Variants in IHO1 observed in about 807,000 individuals in gnomAD.
IHO1 encodes the protein interactor of HORMAD1 1, also known as interactor of HORMAD1 protein 1.
In IHO1, 13 loss-of-function variants were observed where a neutral mutation model predicts 31.0. The ratio of observed to expected loss-of-function variants is 0.42; its 90% CI spans 0.27 to 0.67. The LOEUF (loss-of-function observed/expected upper bound fraction) is 0.67. Ranked by LOEUF, IHO1 falls within the 30% of genes least tolerant of loss-of-function variation. IHO1 has a pLI of 0.24. For missense variants in IHO1, 599 were observed against 687.5 expected, an observed-to-expected ratio of 0.87 and a Z score of 1.44; for synonymous variants, 221 against 248.4, an observed-to-expected ratio of 0.89 and a Z score of 1.04.
At chr3:49,241,826 G>T (rs947170499) in intron 4 of IHO1, among the ~76,000 whole-genome samples, 5 of 151,954 alleles carry the variant, frequency 3.3e-5, no homozygotes, top group African/African-American at 1.2e-4. Flanking sequence ...TTACCATGTT[G>T]GCCAGGCTGG....
intron 2 of IHO1, among the ~76,000 whole-genome samples, chr3:49,223,690 C>CAA (rs879893768): frequency 2.3e-5 from 3 of 130,176 alleles, no homozygotes; most frequent in African/African-American, 2.8e-5. Context: ...GACTCCGTCT[C>CAA]AAAAAAAAAA....
intron 2 of IHO1, among the ~76,000 whole-genome samples, chr3:49,227,138 A>G (rs763406815): frequency 3.9e-5 from 6 of 152,240 alleles, no homozygotes; most frequent in Admixed American, 6.5e-5. Flanking sequence ...AAGCTTGGAC[A>G]TAAGATATTT....
intron 1 of IHO1, among the ~76,000 whole-genome samples, chr3:49,209,608 C>T (rs150380981): frequency 6.6e-6 from 1 of 151,412 alleles, no homozygotes; most frequent in Non-Finnish European, 1.5e-5. Context: ...TGCATTCCAG[C>T]CTGCGTGACA....
At chr3:49,191,668 T>C in the IHO1 span, 27 of 1,505,868 alleles carry the variant, frequency 1.8e-5, no homozygotes, top group Non-Finnish European at 2.4e-5. Flanking sequence ...CCTTTTCACT[T>C]CACCGGCATG....
chr3:49,250,530 A>C (rs1329930116), intron 6 of IHO1, among the ~76,000 whole-genome samples: 7 of 152,282 alleles, frequency 4.6e-5, no homozygotes, highest in Admixed American at 3.9e-4. Context: ...TGTTGCTAAG[A>C]AACATTACTA....
chr3:49,239,478 C>T (rs188986812), intron 3 of IHO1, among the ~76,000 whole-genome samples: 2 of 151,712 alleles, frequency 1.3e-5, no homozygotes, highest in African/African-American at 4.8e-5. Context: ...GACAGGATTT[C>T]ACCATGTCAG....
intron 2 of IHO1, among the ~76,000 whole-genome samples, chr3:49,220,846 C>T (rs777141298): frequency 3.9e-5 from 6 of 152,140 alleles, no homozygotes; most frequent in South Asian, 4.1e-4. Context: ...CCAGCCTGGG[C>T]GACAGTTCAA....
At chr3:49,247,989 A>G (rs2046714889) in intron 6 of IHO1, among the ~76,000 whole-genome samples, 1 of 151,700 alleles carries the variant, frequency 6.6e-6, no homozygotes, top group Non-Finnish European at 1.5e-5. Flanking sequence ...GCCATGCGTG[A>G]TGGCTGGAGC....
chr3:49,249,079 A>T lies in IHO1; in HGVS notation c.532+4346A>T, dbSNP rs1469413564. Among the ~76,000 whole-genome samples, 3 of 152,156 alleles carry T rather than the reference A, an allele frequency of 2.0e-5. No individual in the cohort carries two copies. In the South Asian group the frequency reaches 6.2e-4, roughly 32 times the overall value. On this transcript the variant is annotated intron_variant, in intron 6 of 7. Transcript: ENST00000452691. ...TGGTGCCTTCACAGATGAGGTCATT[A>T]AATATTTTCCCAGTCAGCCTGCCCA...
At chr3:49,216,413 C>T (rs183780216) in intron 2 of IHO1, among the ~76,000 whole-genome samples, 6 of 152,100 alleles carry the variant, frequency 3.9e-5, no homozygotes, top group South Asian at 2.1e-4. Context: ...GCCAACATGG[C>T]GAAACCTTGT....
chr3:49,197,737 G>A (rs1246594908), upstream of IHO1, among the ~76,000 whole-genome samples: 1 of 152,024 alleles, frequency 6.6e-6, no homozygotes, highest in Non-Finnish European at 1.5e-5. Context: ...AACTGGGTGT[G>A]GTGGCAGGCA....
chr3:49,219,771 A>G (rs2046330637), intron 2 of IHO1, among the ~76,000 whole-genome samples: 1 of 152,156 alleles, frequency 6.6e-6, no homozygotes, highest in Admixed American at 6.6e-5. Flanking sequence ...GGTGAGTAAG[A>G]AGGGGAGCTC....
At chr3:49,248,189 A>C (rs995053304) in intron 6 of IHO1, among the ~76,000 whole-genome samples, 4 of 151,236 alleles carry the variant, frequency 2.6e-5, no homozygotes, top group African/African-American at 9.7e-5. Context: ...TTGGGAGGCC[A>C]AGGCGGGCAG....
At chr3:49,200,158 G>C (rs1193776098) in intron 1 of IHO1, among the ~76,000 whole-genome samples, 1 of 152,128 alleles carries the variant, frequency 6.6e-6, no homozygotes, top group Non-Finnish European at 1.5e-5. Flanking sequence ...GGCACCTGGA[G>C]GGCCTCACAT....
chr3:49,243,094 G>C (rs944990969), intron 4 of IHO1, among the ~76,000 whole-genome samples: 2 of 151,596 alleles, frequency 1.3e-5, no homozygotes, highest in African/African-American at 4.8e-5. Context: ...TTGATCTTCT[G>C]TTCATGTCCA....
chr3:49,210,395 C>A (rs1195651801), intron 1 of IHO1, among the ~76,000 whole-genome samples: 2 of 151,758 alleles, frequency 1.3e-5, no homozygotes, highest in Non-Finnish European at 2.9e-5. Flanking sequence ...TGCCACCACA[C>A]CCTGCTAATT....
intron 2 of IHO1, among the ~76,000 whole-genome samples, chr3:49,222,565 C>T (rs2046365954): frequency 6.6e-6 from 1 of 151,998 alleles, no homozygotes; most frequent in African/African-American, 2.4e-5. Context: ...AGTATGTAGT[C>T]CTATCGTAAA....
At chr3:49,248,124 C>CAAA (rs60797316) in intron 6 of IHO1, among the ~76,000 whole-genome samples, 1 of 107,546 alleles carries the variant, frequency 9.3e-6, no homozygotes, top group Non-Finnish European at 1.9e-5. Flanking sequence ...GACTCCATCT[C>CAAA]AAAAAAAAAA....
intron 1 of IHO1, chr3:49,200,475 A>AAAAGAAAGAAAGAAAGAAAGAAAGAAAG (rs1553615438): frequency 3.8e-4 from 39 of 103,834 alleles, no homozygotes; most frequent in African/African-American, 8.5e-4. Context: ...AAAAAAAAAA[A>AAAAGAAAGAAAGAAAGAAAGAAAGAAAG]AAAGAAAGAA....
Sources: gnomAD v4.1 joint callset for allele counts (sites outside exome capture counted in the v4.1 genomes callset) on GRCh38, gnomAD v4.1.1 for gene constraint, MANE v1.5 for transcripts, NCBI Gene and HGNC (gene_info 2026-07-23, HGNC 2026-07-21) for gene names.